RAB3C: variants seen among roughly 807,000 people sequenced by gnomAD.
The protein encoded by RAB3C is RAB3C, member RAS oncogene family.
A neutral mutation model predicts 26.4 loss-of-function variants in RAB3C; 17 were observed. That is an observed-to-expected ratio of 0.64 (90% confidence interval 0.44 to 0.97). RAB3C has a LOEUF of 0.97. Among genes scored for constraint, RAB3C ranks in the 50% least tolerant of loss-of-function variants. The pLI is 0.00. For missense variants in RAB3C, 242 were observed against 281.9 expected, an observed-to-expected ratio of 0.86 and a Z score of 1.01; for synonymous variants, 91 against 95.9, an observed-to-expected ratio of 0.95 and a Z score of 0.30.
At chr5:58,583,525 C>G (rs149117427) in intron 1 of RAB3C, among the ~76,000 whole-genome samples, 276 of 152,238 alleles carry the variant, frequency 1.8e-3, no homozygotes, top group Admixed American at 3.0e-3. Context: ...GAGGAGCATG[C>G]AATCTCGTGT....
intron 3 of RAB3C, among the ~76,000 whole-genome samples, chr5:58,789,440 AT>A (rs1293029392): frequency 1.3e-5 from 2 of 152,178 alleles, no homozygotes; most frequent in African/African-American, 4.8e-5. Context: ...TTCAACAGTT[AT>A]TATCAGTATA....
chr5:58,773,858 T>A (rs1270536002), intron 3 of RAB3C, among the ~76,000 whole-genome samples: 3 of 152,084 alleles, frequency 2.0e-5, no homozygotes, highest in African/African-American at 7.2e-5. Context: ...CTGCTTCTGC[T>A]CCCAAGTTGC....
chr5:58,805,706 T>A (rs2432067), intron 3 of RAB3C, among the ~76,000 whole-genome samples: 74,279 of 151,512 alleles, frequency 0.49, 18,567 homozygotes, highest in Middle Eastern at 0.68. Flanking sequence ...TATGAAGAAG[T>A]GTGATTAACA....
chr5:58,778,888 T>C (rs927003014), intron 3 of RAB3C, among the ~76,000 whole-genome samples: 2 of 152,110 alleles, frequency 1.3e-5, no homozygotes, highest in Non-Finnish European at 2.9e-5. Context: ...CTGAATCACC[T>C]TCACTTCTAA....
At position 58,851,254 on chromosome 5, in the gene RAB3C, CAG is replaced by C; in HGVS notation, c.592_593del (p.Ser198PhefsTer4). On this transcript the variant is annotated frameshift_variant, in exon 5 of 5. Transcript: ENST00000282878. LOFTEE classifies it high-confidence loss of function. ...GTGGATATCATCTGCGACAAAATGT[CAG>C]AGAGTTTGGAGACTGATCCTGCCAT... 1 of 1,613,936 alleles carries C rather than the reference CAG, an allele frequency of 6.2e-7. No individual in the cohort carries two copies. Among genetic ancestry groups the C allele is most frequent in the Non-Finnish European group, 8.5e-7 (1 of 1,179,908 alleles).
rs1461016026 is a variant in RAB3C, at chr5:58,617,855, C to G, written c.237C>G (p.Ile79Met). 16 of 1,608,428 alleles carry G rather than the reference C, an allele frequency of 9.9e-6. No individual in the cohort carries two copies. The highest frequency in any genetic ancestry group is 1.4e-5 in the Non-Finnish European group (16 of 1,176,010). The change falls in exon 2 of 5, where the codon ATC becomes ATG. Residue 79 changes from isoleucine (I) to methionine (M), a missense_variant. Ile to Met is a conservative substitution (Grantham distance 10). Transcript: ENST00000282878. The stretch of plus-strand genomic sequence containing the variant: ...CTGTATTCAAAAATGAAAAGAGAAT[C>G]AAGCTTCAGATTTGGGTAAGTGGCT... ...VKTVFKNEKR[I>M]KLQIWDTAGQ...
At chr5:58,843,204 A>C (rs1267604409) in intron 4 of RAB3C, among the ~76,000 whole-genome samples, 1 of 152,242 alleles carries the variant, frequency 6.6e-6, no homozygotes, top group Non-Finnish European at 1.5e-5. Flanking sequence ...TTAAGATTCC[A>C]TATCCTTTGA....
intron 2 of RAB3C, among the ~76,000 whole-genome samples, chr5:58,693,353 T>TATATATATAC (rs911414778): frequency 4.2e-5 from 6 of 142,268 alleles, no homozygotes; most frequent in Admixed American, 1.4e-4. Context: ...TATATATATA[T>TATATATATAC]ATATATATAA....
At chr5:58,779,397 T>G (rs188939897) in intron 3 of RAB3C, among the ~76,000 whole-genome samples, 32 of 150,342 alleles carry the variant, frequency 2.1e-4, no homozygotes, top group African/African-American at 7.1e-4. Flanking sequence ...TATATATGAT[T>G]TTTTTCAGGC....
chr5:58,615,082 A>G (rs1313443164), intron 1 of RAB3C, among the ~76,000 whole-genome samples: 1 of 152,150 alleles, frequency 6.6e-6, no homozygotes, highest in Non-Finnish European at 1.5e-5. Context: ...CAACCCCTAT[A>G]GATACCGAGG....
At chr5:58,651,331 G>A (rs936384743) in intron 2 of RAB3C, among the ~76,000 whole-genome samples, 12 of 152,064 alleles carry the variant, frequency 7.9e-5, no homozygotes, top group East Asian at 1.9e-4. Flanking sequence ...ACCATTAAAT[G>A]AGTCAATATT....
chr5:58,619,461 A>G (rs1208887060), intron 2 of RAB3C, among the ~76,000 whole-genome samples: 2 of 152,190 alleles, frequency 1.3e-5, no homozygotes, highest in Non-Finnish European at 2.9e-5. Context: ...GTTTTAAGGA[A>G]GGTTCCTTAA....
At chr5:58,741,278 T>C (rs1226809821) in intron 3 of RAB3C, among the ~76,000 whole-genome samples, 1 of 152,178 alleles carries the variant, frequency 6.6e-6, no homozygotes, top group South Asian at 2.1e-4. Flanking sequence ...AGAGGTTTTA[T>C]TGGAGGTTCA....
chr5:58,851,469 G>A lies in RAB3C; in HGVS notation c.*118G>A. 1 of 803,056 alleles carries A rather than the reference G, an allele frequency of 1.2e-6. No individual in the cohort carries two copies. 49.7% of individuals were successfully genotyped at this position (803,056 alleles called of 1,614,324 possible). ...CAATTATTTGAAGGAATAAATTGAT[G>A]TCAATGGCTCGTACGCATTCAATTC... is the stretch of plus-strand genomic sequence containing the variant. On this transcript the variant is annotated 3_prime_UTR_variant, in exon 5 of 5. Coordinates refer to ENST00000282878, the MANE Select transcript of RAB3C (RefSeq NM_138453.4).
chr5:58,622,675 C>G (rs1746962555), intron 2 of RAB3C, among the ~76,000 whole-genome samples: 1 of 152,184 alleles, frequency 6.6e-6, no homozygotes, highest in Admixed American at 6.5e-5. Flanking sequence ...ATTTATCAAG[C>G]CCAGTGCTGA....
At chr5:58,780,498 T>A (rs1742248142) in intron 3 of RAB3C, among the ~76,000 whole-genome samples, 1 of 152,174 alleles carries the variant, frequency 6.6e-6, no homozygotes, top group Non-Finnish European at 1.5e-5. Flanking sequence ...GTCTGGATCC[T>A]TCTTTCTAAC....
intron 1 of RAB3C, among the ~76,000 whole-genome samples, chr5:58,585,148 C>G (rs770659137): frequency 1.3e-5 from 2 of 151,880 alleles, no homozygotes; most frequent in Non-Finnish European, 2.9e-5. Context: ...AAATCAAAGA[C>G]TTTTTTAGCA....
chr5:58,727,011 TG>T (rs1740904298), intron 3 of RAB3C, among the ~76,000 whole-genome samples: 1 of 151,976 alleles, frequency 6.6e-6, no homozygotes, highest in African/African-American at 2.4e-5. Flanking sequence ...GAGTTCCCAC[TG>T]GTGGTGGCTA....
chr5:58,811,642 C>T (rs1743093713), intron 3 of RAB3C, among the ~76,000 whole-genome samples: 1 of 152,080 alleles, frequency 6.6e-6, no homozygotes, highest in Non-Finnish European at 1.5e-5. Flanking sequence ...CCTCCTCTCT[C>T]CCCTCCCCTT....
Sources: gnomAD v4.1 joint callset for allele counts (sites outside exome capture counted in the v4.1 genomes callset) on GRCh38, gnomAD v4.1.1 for gene constraint, MANE v1.5 for transcripts, NCBI Gene and HGNC (gene_info 2026-07-23, HGNC 2026-07-21) for gene names.